Variants in MCCC2 observed in about 807,000 individuals in gnomAD.
MCCC2 encodes the protein methylcrotonyl-CoA carboxylase subunit 2.
In MCCC2, 52 loss-of-function variants were observed where a neutral mutation model predicts 77.2. The ratio of observed to expected loss-of-function variants is 0.67; its 90% CI spans 0.54 to 0.85. The LOEUF is 0.85. MCCC2 is among the 40% of genes least tolerant of loss of function. The pLI is 0.00. For missense variants in MCCC2, 682 were observed against 703.2 expected (o/e 0.97, Z 0.34); for synonymous variants, 253 against 248.4 (o/e 1.02, Z -0.18).
At chr5:71,608,858 G>T (rs1210057885) in intron 6 of MCCC2, among the ~76,000 whole-genome samples, 1 of 152,118 alleles carries the variant, frequency 6.6e-6, no homozygotes, top group East Asian at 1.9e-4. Context: ...GAAATTCTGG[G>T]TTGCAAATTC....
chr5:71,608,375 T>C, intron 6 of MCCC2, among the ~76,000 whole-genome samples: 3 of 112,890 alleles, frequency 2.7e-5, no homozygotes, highest in Admixed American at 1.0e-4. Flanking sequence ...TAAAGTCTGT[T>C]TTATCAGAGA....
Position 71,599,765 on chromosome 5 carries a change from G to A in MCCC2, c.383+5G>A. The A allele has an allele frequency of 6.2e-7, 1 of 1,609,346 alleles. No homozygotes were observed. Among genetic ancestry groups the A allele is most frequent in the Non-Finnish European group, 8.5e-7 (1 of 1,175,660 alleles). ...AGGCATTGGAAGAGTATCAGGGTGA[G>A]TATTCTACTTGTGCTTCATAATGTG... is the stretch of plus-strand genomic sequence containing the variant. On this transcript the variant is annotated splice_donor_5th_base_variant and intron_variant, in intron 4 of 16. Coordinates refer to ENST00000340941, the MANE Select transcript of MCCC2 (RefSeq NM_022132.5).
At chr5:71,600,496 G>A (rs1745384829) in intron 4 of MCCC2, among the ~76,000 whole-genome samples, 2 of 151,820 alleles carry the variant, frequency 1.3e-5, no homozygotes, top group African/African-American at 2.4e-5. Flanking sequence ...CATGATCATA[G>A]CTTACTGTAG....
chr5:71,649,130 G>T lies in MCCC2; in HGVS notation c.1250G>T (p.Gly417Val). Residue 417 changes from glycine (G) to valine (V), a missense_variant, in exon 14 of 17, where the codon GGA (glycine) becomes GTA (valine). By Grantham distance (109) the Gly-to-Val change is moderately radical. Coordinates refer to ENST00000340941, the MANE Select transcript of MCCC2 (RefSeq NM_022132.5). ...FMVGREYEAE[G>V]IAKDGAKMVA... ...GTTGGTAGAGAGTATGAAGCTGAAG[G>T]AATTGCCAAGGATGGTGCCAAGATG... The T allele has an allele frequency of 3.1e-6, 5 of 1,614,240 alleles. No homozygotes were observed. Among genetic ancestry groups the T allele is most frequent in the Non-Finnish European group, 4.2e-6 (5 of 1,180,042 alleles).
intron 7 of MCCC2, among the ~76,000 whole-genome samples, chr5:71,628,903 C>T (rs1287902944): frequency 6.6e-6 from 1 of 151,982 alleles, no homozygotes; most frequent in East Asian, 1.9e-4. Context: ...GAAGAAAGAC[C>T]TTTGATTTTT....
intron 12 of MCCC2, 39 bp downstream of exon 12, chr5:71,643,934 A>C (rs767594622): frequency 1.2e-6 from 2 of 1,612,186 alleles, no homozygotes; most frequent in Non-Finnish European, 1.7e-6. Flanking sequence ...TTTCTGTTTT[A>C]ATTTAACATA....
intron 14 of MCCC2, 94 bp downstream of exon 14, chr5:71,649,347 C>T (rs1747369131): frequency 8.3e-7 from 1 of 1,206,218 alleles, no homozygotes; most frequent in South Asian, 1.3e-5. Context: ...ATATAGAATG[C>T]CATTCCCAGA....
intron 6 of MCCC2, among the ~76,000 whole-genome samples, chr5:71,618,004 A>C (rs188632040): frequency 1.5e-4 from 22 of 149,912 alleles, no homozygotes; most frequent in Non-Finnish European, 2.1e-4. Flanking sequence ...AGATTTTAAG[A>C]CCCCTTAATC....
At chr5:71,623,219 T>G (rs1746415195) in intron 6 of MCCC2, among the ~76,000 whole-genome samples, 1 of 152,194 alleles carries the variant, frequency 6.6e-6, no homozygotes, top group Non-Finnish European at 1.5e-5. Flanking sequence ...CAGAACAAAT[T>G]GTCCCAAAAC....
At chr5:71,601,117 G>T (rs1302789537) in intron 4 of MCCC2, among the ~76,000 whole-genome samples, 1 of 152,176 alleles carries the variant, frequency 6.6e-6, no homozygotes, top group African/African-American at 2.4e-5. Context: ...AATAGATGCT[G>T]GGTAGGCAAA....
intron 1 of MCCC2, among the ~76,000 whole-genome samples, chr5:71,588,106 T>A (rs1038783574): frequency 2.6e-4 from 40 of 151,720 alleles, no homozygotes; most frequent in Non-Finnish European, 7.4e-5. Flanking sequence ...CCATCTCTAC[T>A]AAGAATACAA....
rs879780856 is a variant in MCCC2 at position 71,618,548 on chromosome 5, C to CCTTT, written c.625-8081_625-8078dup. Among the ~76,000 whole-genome samples the CCTTT allele has an allele frequency of 2.5e-4, 9 of 35,678 alleles. 1 individual carries two copies. The highest frequency in any genetic ancestry group is 6.8e-4 in the African/African-American group (7 of 10,274). The allele number at this position is 35,678 out of a possible 152,430, so 23.4% of individuals were successfully genotyped here. ...TCCTTCCTTCCTTCCTTCCTTCCTT[C>CCTTT]CTTTCTTTCTTTCTCTTTCTTTTTG... is the stretch of plus-strand genomic sequence containing the variant. On this transcript the variant is annotated intron_variant, in intron 6 of 16. Transcript: ENST00000340941.
rs943566250 is a variant in MCCC2 at position 71,633,150 on chromosome 5, A to C, written c.803+965A>C. ...ATATATATTTTTATTTTTTGTAGAA[A>C]CAGGTGTCTCACTGTATTGCTCAGG... On this transcript the variant is annotated intron_variant, in intron 8 of 16. Transcript: ENST00000340941. Among the ~76,000 whole-genome samples the C allele has an allele frequency of 4.6e-5, 4 of 87,404 alleles. No individual in the cohort carries two copies. In the South Asian group the frequency reaches 1.0e-3, roughly 23 times the overall value. 57.3% of individuals were successfully genotyped at this position (87,404 alleles called of 152,430 possible). A position where few individuals can be genotyped will look rare whatever the true frequency, so the allele number is the denominator to read the frequency against.
chr5:71,646,734 G>A (rs445772), intron 13 of MCCC2, among the ~76,000 whole-genome samples: 1 of 152,086 alleles, frequency 6.6e-6, no homozygotes, highest in Non-Finnish European at 1.5e-5. Context: ...GCATTCACAT[G>A]GCCACCCTTT....
intron 10 of MCCC2, 24 bp from the exon 11 acceptor site, chr5:71,640,979 G>A (rs779604470): frequency 5.0e-5 from 80 of 1,600,780 alleles, no homozygotes; most frequent in Non-Finnish European, 6.4e-5. Context: ...AATTTCTCAA[G>A]GCCATTGTTG....
At chr5:71,630,049 A>T (rs995025855) in intron 7 of MCCC2, among the ~76,000 whole-genome samples, 1 of 152,210 alleles carries the variant, frequency 6.6e-6, no homozygotes, top group African/African-American at 2.4e-5. Flanking sequence ...TGTACCTTAT[A>T]AAGAAGCCAC....
intron 10 of MCCC2, among the ~76,000 whole-genome samples, chr5:71,639,303 C>T (rs1747040032): frequency 6.6e-6 from 1 of 152,184 alleles, no homozygotes; most frequent in Non-Finnish European, 1.5e-5. Context: ...CCACCTTCAT[C>T]AATGATCTTA....
chr5:71,637,122 T>C (rs1277435004), intron 10 of MCCC2, among the ~76,000 whole-genome samples: 1 of 152,230 alleles, frequency 6.6e-6, no homozygotes, highest in Non-Finnish European at 1.5e-5. Flanking sequence ...ATTCTATGTA[T>C]AAGTCTAGGA....
At chr5:71,607,627 C>T (rs1222518988) in intron 6 of MCCC2, among the ~76,000 whole-genome samples, 35 of 145,740 alleles carry the variant, frequency 2.4e-4, no homozygotes, top group South Asian at 6.9e-4. Flanking sequence ...AGCTTTTGAA[C>T]GTGTTTGCTC....
Sources: allele counts gnomAD v4.1 joint callset (sites outside exome capture counted in the v4.1 genomes callset), GRCh38; gene constraint gnomAD v4.1.1; transcripts MANE v1.5; gene names NCBI Gene and HGNC (gene_info 2026-07-23, HGNC 2026-07-21).